Variants in PTPRT observed in about 807,000 individuals in gnomAD.
The protein encoded by PTPRT is receptor-type tyrosine-protein phosphatase T.
PTPRT carries 56 observed loss-of-function variants against 176.8 expected under a neutral mutation model. The ratio of observed to expected loss-of-function variants is 0.32; its 90% confidence interval spans 0.26 to 0.40. The LOEUF is 0.40. PTPRT is among the 10% of genes least tolerant of loss of function. The pLI is 1.00. For synonymous variants in PTPRT, 783 were observed against 739.0 expected, an observed-to-expected ratio of 1.06 and a Z score of -0.96; for missense variants, 1,540 against 1,908.2, an observed-to-expected ratio of 0.81 and a Z score of 3.60.
In PTPRT at chr20:43,139,252, C is replaced by A. The variant is rs189900773; in HGVS notation, c.88+50394G>T. Among the ~76,000 whole-genome samples the A allele has an allele frequency of 8.3e-4, 126 of 152,328 alleles. 1 individual carries two copies. In the Middle Eastern group the frequency reaches 0.014, roughly 16 times the overall value. On this transcript the variant is annotated intron_variant, in intron 1 of 30. Coordinates refer to ENST00000373187, the MANE Select transcript of PTPRT (RefSeq NM_007050.6). Reference sequence around the variant, plus strand: ...GTCTCTTTTGCACGTGTCTTCTCCCCACTCGATTGTTGTTAAATCTTGATT... The same window carrying A: ...GTCTCTTTTGCACGTGTCTTCTCCCAACTCGATTGTTGTTAAATCTTGATT...
chr20:42,553,028 C>A (rs1194102168), intron 7 of PTPRT, among the ~76,000 whole-genome samples: 1 of 152,114 alleles, frequency 6.6e-6, no homozygotes, highest in Non-Finnish European at 1.5e-5. Flanking sequence ...TATCTCTATT[C>A]TACATCTAAA....
At chr20:42,054,887 G>A in the PTPRT span, among the ~76,000 whole-genome samples, 1 of 152,182 alleles carries the variant, frequency 6.6e-6, no homozygotes, top group South Asian at 2.1e-4. Flanking sequence ...CTGGATAAAA[G>A]GTGAGTCTGT....
chr20:43,090,057 T>C (rs924831373), intron 1 of PTPRT, among the ~76,000 whole-genome samples: 2 of 151,142 alleles, frequency 1.3e-5, no homozygotes, highest in Non-Finnish European at 3.0e-5. Context: ...TGCCACCACC[T>C]AGTTCTACAT....
chr20:42,602,808 TG>T (rs1482984528), intron 7 of PTPRT, among the ~76,000 whole-genome samples: 2 of 152,112 alleles, frequency 1.3e-5, no homozygotes, highest in Non-Finnish European at 2.9e-5. Flanking sequence ...TTTCCACCCC[TG>T]GCTGTGCCAA....
chr20:42,754,177 T>C (rs2076798627), intron 6 of PTPRT, among the ~76,000 whole-genome samples: 1 of 141,356 alleles, frequency 7.1e-6, no homozygotes. Context: ...ATAATAATAA[T>C]AAATCTTCAA....
At chr20:42,378,179 A>C (rs1451966032) in intron 9 of PTPRT, among the ~76,000 whole-genome samples, 1 of 152,232 alleles carries the variant, frequency 6.6e-6, no homozygotes, top group East Asian at 1.9e-4. Flanking sequence ...AAGATCCCCA[A>C]GGAGAGGGAC....
intron 7 of PTPRT, among the ~76,000 whole-genome samples, chr20:42,516,768 G>A (rs566257891): frequency 2.9e-4 from 44 of 152,194 alleles, no homozygotes; most frequent in African/African-American, 9.9e-4. Flanking sequence ...ATTCCAATAC[G>A]AAATACAGCC....
At chr20:42,787,964 G>C (rs2077316212) in intron 3 of PTPRT, among the ~76,000 whole-genome samples, 1 of 152,046 alleles carries the variant, frequency 6.6e-6, no homozygotes, top group South Asian at 2.1e-4. Flanking sequence ...TCCAAACATT[G>C]TGAATTCTGA....
At chr20:42,998,350 T>C in intron 1 of PTPRT, among the ~76,000 whole-genome samples, 1 of 152,196 alleles carries the variant, frequency 6.6e-6, no homozygotes, top group Admixed American at 6.5e-5. Context: ...CTTAATATGA[T>C]TCTGCGGTAA....
intron 1 of PTPRT, among the ~76,000 whole-genome samples, chr20:43,010,567 A>T (rs908156075): frequency 6.6e-6 from 1 of 152,222 alleles, no homozygotes; most frequent in African/African-American, 2.4e-5. Context: ...GAGGTAAAGC[A>T]TTTAGCATGC....
In PTPRT at chr20:42,369,881, T is replaced by G. The variant is rs184421377; in HGVS notation, c.1561-17596A>C. Among the ~76,000 whole-genome samples the G allele has an allele frequency of 2.0e-5, 3 of 152,330 alleles. No individual in the cohort carries two copies. In the East Asian group the frequency reaches 5.8e-4, roughly 29 times the overall value. On this transcript the variant is annotated intron_variant, in intron 9 of 30. Coordinates refer to ENST00000373187, the MANE Select transcript of PTPRT (RefSeq NM_007050.6). ...AGCTATTTTGAGGGATGTTGTGTTT[T>G]TAGAAAGTATATTTCCCTGATGAGA...
chr20:42,948,911 G>A lies in PTPRT; in HGVS notation c.89-62979C>T, dbSNP rs139524516. Among the ~76,000 whole-genome samples, 42 of 152,224 alleles carry A rather than the reference G, an allele frequency of 2.8e-4. No individual in the cohort carries two copies. In the East Asian group the frequency reaches 7.7e-3, roughly 28 times the overall value. ...GTCCATGGACATTTTTATGACCTCT[G>A]CCAAATGGACAGGCTGCTGGGAACA... On this transcript the variant is annotated intron_variant, in intron 1 of 30. Coordinates refer to ENST00000373187, the MANE Select transcript of PTPRT (RefSeq NM_007050.6).
the PTPRT span, among the ~76,000 whole-genome samples, chr20:42,041,208 C>T: frequency 3.9e-5 from 6 of 152,238 alleles, no homozygotes; most frequent in Admixed American, 3.3e-4. Flanking sequence ...TCGATGCTCC[C>T]GTTTTGGGGT....
intron 1 of PTPRT, among the ~76,000 whole-genome samples, chr20:43,089,941 G>C (rs752497272): frequency 2.0e-5 from 3 of 152,228 alleles, no homozygotes; most frequent in Non-Finnish European, 2.9e-5. Context: ...CTTTGGCTTA[G>C]CATGAGGAGC....
intron 4 of PTPRT, among the ~76,000 whole-genome samples, chr20:42,772,803 A>T (rs190636906): frequency 4.6e-5 from 7 of 152,344 alleles, no homozygotes; most frequent in African/African-American, 1.7e-4. Context: ...AGTAACAATA[A>T]TGTCATTTAC....
At chr20:42,452,208 G>T (rs2070843287) in intron 8 of PTPRT, among the ~76,000 whole-genome samples, 1 of 151,468 alleles carries the variant, frequency 6.6e-6, no homozygotes, top group Non-Finnish European at 1.5e-5. Flanking sequence ...GGTGGAGGTT[G>T]CAGTGAGCCG....
intron 7 of PTPRT, among the ~76,000 whole-genome samples, chr20:42,539,095 G>A (rs898508352): frequency 6.6e-6 from 1 of 152,150 alleles, no homozygotes; most frequent in Non-Finnish European, 1.5e-5. Flanking sequence ...CAGAGTCAGG[G>A]ATCATGTTGT....
chr20:42,573,749 C>CTTTTTTTTT (rs150938657), intron 7 of PTPRT, among the ~76,000 whole-genome samples: 79 of 112,554 alleles, frequency 7.0e-4, no homozygotes, highest in African/African-American at 1.8e-3. Flanking sequence ...TTCTTTCTTT[C>CTTTTTTTTT]TTTTTTTTTT....
chr20:42,143,829 A>T (rs937979000), intron 17 of PTPRT, among the ~76,000 whole-genome samples: 1 of 152,208 alleles, frequency 6.6e-6, no homozygotes, highest in East Asian at 1.9e-4. Flanking sequence ...ATCAATGAGC[A>T]GGTTACCACT....
Sources: allele counts gnomAD v4.1 joint callset (sites outside exome capture counted in the v4.1 genomes callset), GRCh38; gene constraint gnomAD v4.1.1; transcripts MANE v1.5; gene names NCBI Gene and HGNC (gene_info 2026-07-23, HGNC 2026-07-21).